The following AK7 variants were observed in gnomAD, a reference collection of about 807,000 sequenced individuals.
AK7 encodes the protein ATP-AMP transphosphorylase 7.
In AK7, 78 loss-of-function variants were observed where a neutral mutation model predicts 96.6. The ratio of observed to expected loss-of-function variants is 0.81; its 90% confidence interval spans 0.67 to 0.97. The LOEUF is 0.97. Among genes scored for constraint, AK7 ranks in the 50% least tolerant of loss-of-function variants. AK7 has a pLI of 0.00. For missense variants in AK7, 855 were observed against 887.9 expected (o/e 0.96, Z 0.47); for synonymous variants, 302 against 317.2 (o/e 0.95, Z 0.51).
chr14:96,462,012 A>G (rs930026152), intron 12 of AK7, among the ~76,000 whole-genome samples: 10 of 152,212 alleles, frequency 6.6e-5, no homozygotes, highest in Non-Finnish European at 1.3e-4. Context: ...GACCACACAG[A>G]ACAAGAATTG....
chr14:96,470,877 A>G (rs543003709), intron 12 of AK7, among the ~76,000 whole-genome samples: 2 of 152,298 alleles, frequency 1.3e-5, no homozygotes, highest in South Asian at 2.1e-4. Flanking sequence ...AGCTCTCTGC[A>G]TTACTCCAGT....
rs114027560 is a variant in AK7, at chr14:96,486,903, A to T, written c.1980A>T (p.Lys660Asn). The T allele has an allele frequency of 4.3e-6, 7 of 1,613,416 alleles. No homozygotes were observed. In the African/African-American group the frequency reaches 8.0e-5, roughly 18 times the overall value. The change falls in exon 17 of 18, where the codon AAA becomes AAT. Residue 660 changes from lysine to asparagine, a missense_variant. Lys to Asn is a moderately conservative substitution (Grantham distance 94, BLOSUM62 0). Transcript: ENST00000267584. Reference protein sequence around the residue: ...EKIARWEEWNKRLEEVKREER... With the variant: ...EKIARWEEWNNRLEEVKREER... ...CACCAAATATTCTATTTTAGAATAA[A>T]CGACTGGAGGAAGTGAAAAGAGAAG...
intron 5 of AK7, among the ~76,000 whole-genome samples, chr14:96,426,885 T>C (rs974588760): frequency 3.9e-5 from 6 of 152,234 alleles, no homozygotes; most frequent in Non-Finnish European, 8.8e-5. Context: ...GCCTATAGGT[T>C]GTCTTGTGTA....
intron 14 of AK7, among the ~76,000 whole-genome samples, chr14:96,473,234 G>A (rs746284090): frequency 2.0e-5 from 3 of 146,820 alleles, no homozygotes; most frequent in Non-Finnish European, 3.0e-5. Flanking sequence ...GCAGTGGCGC[G>A]ATCTCAGCTC....
In AK7 at chr14:96,456,434, A is replaced by C; in HGVS notation, c.1186A>C (p.Ile396Leu). 6.2e-7 allele frequency: 1 copy of C among 1,613,966 alleles called. No homozygotes were observed. Among genetic ancestry groups the C allele is most frequent in the South Asian group, 1.1e-5 (1 of 91,070 alleles). The change falls in exon 11 of 18, where the codon ATC becomes CTC. Residue 396 changes from isoleucine to leucine, a missense_variant. Coordinates refer to ENST00000267584, the MANE Select transcript of AK7 (RefSeq NM_152327.5). ...ELANYYKLHH[I>L]QLKDVISEAI... is the part of the protein sequence containing the mutation. ...GGCCAACTACTACAAACTGCATCAC[A>C]TCCAACTGAAGGATGTCATTTCTGA...
chr14:96,415,791 TAATTAATTA>T (rs1461746101), intron 4 of AK7, among the ~76,000 whole-genome samples: 2 of 149,598 alleles, frequency 1.3e-5, no homozygotes, highest in Non-Finnish European at 3.0e-5. Context: ...TTTAATACAT[TAATTAATTA>T]AATTAATTTA....
At chr14:96,408,692 A>C (rs997949655) in intron 3 of AK7, among the ~76,000 whole-genome samples, 155 bp from the exon 4 acceptor site, 2 of 152,136 alleles carry the variant, frequency 1.3e-5, no homozygotes, top group Admixed American at 1.3e-4. Context: ...AAGCAGGGGG[A>C]ATTTGAAGAA....
intron 8 of AK7, among the ~76,000 whole-genome samples, chr14:96,448,783 C>A (rs947599568): frequency 6.6e-6 from 1 of 151,866 alleles, no homozygotes; most frequent in African/African-American, 2.4e-5. Context: ...TGGTGAAAAC[C>A]CTTCTCTACT....
intron 2 of AK7, among the ~76,000 whole-genome samples, chr14:96,403,637 G>A (rs950116864): frequency 6.6e-6 from 1 of 152,172 alleles, no homozygotes; most frequent in Admixed American, 6.5e-5. Flanking sequence ...TTCAATAAAG[G>A]AAGAGACCCA....
chr14:96,472,282 C>T (rs1186854111), intron 13 of AK7, among the ~76,000 whole-genome samples: 1 of 152,188 alleles, frequency 6.6e-6, no homozygotes, highest in Admixed American at 6.5e-5. Context: ...CTGCCTCAGT[C>T]TCCCGAGTAG....
chr14:96,488,333 A>G lies in AK7; in HGVS notation c.2162A>G (p.Glu721Gly). The G allele has an allele frequency of 1.2e-6, 2 of 1,612,022 alleles. No homozygotes were observed. The highest frequency in any genetic ancestry group is 1.7e-6 in the Non-Finnish European group (2 of 1,178,438). Reference sequence around the variant, plus strand: ...GAATATCTCTTCAAGAACAATCCTGAAGCACAGTGAAACTTGAAAGATCTG... The same window carrying G: ...GAATATCTCTTCAAGAACAATCCTGGAGCACAGTGAAACTTGAAAGATCTG... The part of the protein sequence containing the change: ...LAEYLFKNNP[E>G]AQ Residue 721 changes from glutamate (E) to glycine (G), a missense_variant, in exon 18 of 18, where the codon GAA becomes GGA. Glu to Gly is a moderately conservative substitution (Grantham distance 98). Transcript: ENST00000267584.
chr14:96,487,012 A>G lies in AK7; in HGVS notation c.2089A>G (p.Asn697Asp). 1 of 1,614,128 alleles carries G rather than the reference A, an allele frequency of 6.2e-7. No homozygotes were observed. The highest frequency in any genetic ancestry group is 1.1e-5 in the South Asian group (1 of 91,080). ...GATGCCAACTCTTATTCAGGGCCTGAATGAATGTTGCAACGTCCGACCCGA... is the reference window on the plus strand; with the variant it reads ...GATGCCAACTCTTATTCAGGGCCTGGATGAATGTTGCAACGTCCGACCCGA... ...YVMPTLIQGL[N>D]ECCNVRPEDP... is the part of the protein sequence containing the mutation. Residue 697 changes from asparagine to aspartate, a missense_variant, in exon 17 of 18, where the codon AAT (asparagine) becomes GAT (aspartate). By Grantham distance (23) the Asn-to-Asp change is conservative. Transcript: ENST00000267584.
At chr14:96,403,086 A>G (rs1935201939) in intron 2 of AK7, among the ~76,000 whole-genome samples, 1 of 151,340 alleles carries the variant, frequency 6.6e-6, no homozygotes, top group African/African-American at 2.4e-5. Flanking sequence ...ACTGCACTCC[A>G]GCCTGGGCAA....
intron 2 of AK7, 45 bp downstream of exon 2, chr14:96,398,308 C>A: frequency 6.3e-7 from 1 of 1,590,138 alleles, no homozygotes; most frequent in South Asian, 1.1e-5. Flanking sequence ...AGGGAAGAGT[C>A]ACCTTCCGCT....
chr14:96,433,196 C>G (rs1428185692), intron 5 of AK7, among the ~76,000 whole-genome samples: 2 of 152,114 alleles, frequency 1.3e-5, no homozygotes, highest in East Asian at 3.9e-4. Context: ...CTCTGTATTT[C>G]CTGAATTTGA....
chr14:96,471,332 T>TAA, intron 12 of AK7, 146 bp from the exon 13 acceptor site: 4 of 396,282 alleles, frequency 1.0e-5, no homozygotes, highest in East Asian at 4.6e-5. Context: ...CCCCGTCTCT[T>TAA]TAAAAAAAAA....
chr14:96,441,642 C>CA (rs34473287), intron 6 of AK7, among the ~76,000 whole-genome samples: 71,920 of 91,296 alleles, frequency 0.79, 27,944 homozygotes, highest in East Asian at 0.93. Context: ...GACTCCGTCT[C>CA]AAAAAAAAAA....
At chr14:96,442,953 A>G (rs1244132787) in intron 7 of AK7, 135 bp downstream of exon 7, 2 of 755,388 alleles carry the variant, frequency 2.6e-6, no homozygotes, top group Non-Finnish European at 4.4e-6. Context: ...TAACAACCCT[A>G]TGCAGAAGGT....
intron 4 of AK7, among the ~76,000 whole-genome samples, chr14:96,418,307 G>T (rs1457654086): frequency 3.5e-5 from 1 of 28,474 alleles, no homozygotes; most frequent in East Asian, 3.3e-3. Context: ...CTGGGCAACA[G>T]AGTGAGACCT....
Sources: gnomAD v4.1 joint callset for allele counts (sites outside exome capture counted in the v4.1 genomes callset) on GRCh38, gnomAD v4.1.1 for gene constraint, MANE v1.5 for transcripts, NCBI Gene and HGNC (gene_info 2026-07-23, HGNC 2026-07-21) for gene names.